Variants in ACSS3 observed in about 807,000 individuals in gnomAD.
The protein encoded by ACSS3 is acyl-CoA synthetase short chain family member 3.
ACSS3 carries 64 observed loss-of-function variants against 84.2 expected under a neutral mutation model. The observed-to-expected ratio is 0.76, with a 90% CI of 0.62 to 0.94. The LOEUF is 0.94. ACSS3 is among the 40% of genes least tolerant of loss of function. The pLI is 0.00. For synonymous variants in ACSS3, 317 were observed against 310.1 expected, an observed-to-expected ratio of 1.02 and a Z score of -0.23; for missense variants, 815 against 867.6, an observed-to-expected ratio of 0.94 and a Z score of 0.76.
rs1318065314 is a variant in ACSS3, at chr12:81,258,693, T to A, written c.*3771T>A. On this transcript the variant is annotated 3_prime_UTR_variant, in exon 16 of 16. Coordinates refer to ENST00000548058, the MANE Select transcript of ACSS3 (RefSeq NM_024560.4). The stretch of plus-strand genomic sequence containing the variant: ...AAGCTTATAACATTAGACATGAGTC[T>A]GGCTAATGCCCTGTTACATTGACAA... 1 of 152,146 alleles carries A rather than the reference T, an allele frequency of 6.6e-6. No individual in the cohort carries two copies. Among genetic ancestry groups the A allele is most frequent in the Non-Finnish European group, 1.5e-5 (1 of 68,030 alleles). The allele number at this position is 152,146 out of a possible 1,614,324, so 9.4% of individuals were successfully genotyped here.
chr12:81,130,939 G>C (rs1027136429), intron 2 of ACSS3, among the ~76,000 whole-genome samples: 3 of 152,176 alleles, frequency 2.0e-5, no homozygotes, highest in African/African-American at 7.2e-5. Flanking sequence ...GATGGTTGTA[G>C]ATGTGTGGTG....
chr12:81,204,060 T>C (rs544960456), intron 9 of ACSS3, among the ~76,000 whole-genome samples: 20 of 152,170 alleles, frequency 1.3e-4, no homozygotes, highest in African/African-American at 4.8e-4. Flanking sequence ...TATATTGTTA[T>C]AGAGGTCAGA....
At chr12:81,160,228 G>A (rs945267915) in intron 7 of ACSS3, among the ~76,000 whole-genome samples, 1 of 152,158 alleles carries the variant, frequency 6.6e-6, no homozygotes, top group African/African-American at 2.4e-5. Context: ...TCCAGTCAAG[G>A]GATATAAGTT....
At chr12:81,103,739 G>A (rs139530369) in intron 1 of ACSS3, among the ~76,000 whole-genome samples, 1 of 151,912 alleles carries the variant, frequency 6.6e-6, no homozygotes, top group Admixed American at 6.6e-5. Context: ...AAAATCCTAG[G>A]TTGTTAATAT....
chr12:81,098,965 TATA>T (rs1336154860), intron 1 of ACSS3, among the ~76,000 whole-genome samples: 1 of 152,228 alleles, frequency 6.6e-6, no homozygotes, highest in African/African-American at 2.4e-5. Flanking sequence ...TGTTCCCAGT[TATA>T]ATGTTTCCCC....
At chr12:81,230,558 G>T (rs1310674288) in intron 11 of ACSS3, among the ~76,000 whole-genome samples, 1 of 151,852 alleles carries the variant, frequency 6.6e-6, no homozygotes, top group Admixed American at 6.6e-5. Context: ...GAAGCAGTGA[G>T]AGAGAATTCC....
At chr12:81,169,192 C>T (rs1416272568) in intron 7 of ACSS3, among the ~76,000 whole-genome samples, 4 of 152,164 alleles carry the variant, frequency 2.6e-5, no homozygotes, top group African/African-American at 4.8e-5. Context: ...CCTATCCTTA[C>T]AGGTGAGGCC....
At chr12:81,088,863 G>A (rs1393902438) in intron 1 of ACSS3, among the ~76,000 whole-genome samples, 2 of 151,764 alleles carry the variant, frequency 1.3e-5, no homozygotes, top group African/African-American at 4.8e-5. Flanking sequence ...TAAAGTTTGG[G>A]TCTACATCTC....
At chr12:81,178,379 G>T (rs2030655790) in intron 8 of ACSS3, among the ~76,000 whole-genome samples, 1 of 149,324 alleles carries the variant, frequency 6.7e-6, no homozygotes, top group Non-Finnish European at 1.5e-5. Flanking sequence ...ACGAGTTAAT[G>T]GGTCCAGCAC....
intron 1 of ACSS3, among the ~76,000 whole-genome samples, chr12:81,088,524 G>T (rs1400733228): frequency 2.0e-5 from 3 of 151,918 alleles, no homozygotes; most frequent in African/African-American, 7.2e-5. Context: ...TGTCTCCATA[G>T]TATGCGCTAG....
intron 2 of ACSS3, among the ~76,000 whole-genome samples, chr12:81,130,950 T>C (rs1765314195): frequency 6.6e-6 from 1 of 152,220 alleles, no homozygotes; most frequent in African/African-American, 2.4e-5. Flanking sequence ...ATGTGTGGTG[T>C]TATTTCTGAA....
chr12:81,245,707 T>C (rs2033961960), intron 13 of ACSS3, among the ~76,000 whole-genome samples: 1 of 152,228 alleles, frequency 6.6e-6, no homozygotes, highest in South Asian at 2.1e-4. Flanking sequence ...CTCTATTTAC[T>C]TGTCTGCCTC....
intron 9 of ACSS3, among the ~76,000 whole-genome samples, chr12:81,214,541 G>T (rs940441161): frequency 1.3e-5 from 2 of 152,120 alleles, no homozygotes; most frequent in Non-Finnish European, 2.9e-5. Flanking sequence ...GTATAAAAAA[G>T]ATGAAGAATA....
intron 1 of ACSS3, among the ~76,000 whole-genome samples, chr12:81,088,691 C>G (rs1483023491): frequency 6.6e-6 from 1 of 151,966 alleles, no homozygotes; most frequent in African/African-American, 2.4e-5. Context: ...GATTTCAACC[C>G]AGGCTGGCTG....
chr12:81,177,645 T>C (rs944045705), intron 8 of ACSS3, among the ~76,000 whole-genome samples: 1 of 151,990 alleles, frequency 6.6e-6, no homozygotes, highest in Admixed American at 6.6e-5. Context: ...CATCAAAAAG[T>C]GGGCGAAGGA....
intron 2 of ACSS3, among the ~76,000 whole-genome samples, chr12:81,119,046 G>T (rs900751441): frequency 1.3e-5 from 2 of 152,156 alleles, no homozygotes; most frequent in Non-Finnish European, 2.9e-5. Context: ...CGGCCGATCT[G>T]AGAAATAAAG....
At chr12:81,216,590 G>A (rs946286447) in intron 9 of ACSS3, among the ~76,000 whole-genome samples, 6 of 152,106 alleles carry the variant, frequency 3.9e-5, no homozygotes, top group African/African-American at 1.4e-4. Flanking sequence ...AACCGTCCAA[G>A]TCACATAATT....
At chr12:81,085,116 A>G (rs1311635751) in intron 1 of ACSS3, among the ~76,000 whole-genome samples, 2 of 152,152 alleles carry the variant, frequency 1.3e-5, no homozygotes, top group African/African-American at 4.8e-5. Context: ...AATGAAGGGA[A>G]TTTTGCTTGT....
chr12:81,245,959 A>C (rs146541519), intron 13 of ACSS3, among the ~76,000 whole-genome samples: 3 of 152,210 alleles, frequency 2.0e-5, no homozygotes, highest in Non-Finnish European at 4.4e-5. Flanking sequence ...TTGTCTCCCC[A>C]CAGTTACCAG....
Sources: gnomAD v4.1 joint callset for allele counts (sites outside exome capture counted in the v4.1 genomes callset) on GRCh38, gnomAD v4.1.1 for gene constraint, MANE v1.5 for transcripts, NCBI Gene and HGNC (gene_info 2026-07-23, HGNC 2026-07-21) for gene names.